Variants in RHBDD1 observed in about 807,000 individuals in gnomAD.
The protein encoded by RHBDD1 is rhomboid domain containing 1.
RHBDD1 carries 38 observed loss-of-function variants against 36.3 expected under a neutral mutation model. That is an observed-to-expected ratio of 1.05 (90% CI 0.81 to 1.37). The LOEUF is 1.37. Among genes scored for constraint, RHBDD1 ranks in the 40% most tolerant of loss-of-function variants. The pLI is 0.00. For synonymous variants in RHBDD1, 151 were observed against 136.5 expected (o/e 1.11, Z -0.74); for missense variants, 393 against 377.6 (o/e 1.04, Z -0.34).
chr2:226,948,564 TAAA>T (rs56325989), intron 8 of RHBDD1, among the ~76,000 whole-genome samples: 3 of 23,556 alleles, frequency 1.3e-4, no homozygotes, highest in Non-Finnish European at 2.5e-4. Flanking sequence ...ACTTAAAGTA[TAAA>T]AAAAAAAAAA....
At chr2:226,871,205 A>T (rs115788829) in intron 5 of RHBDD1, among the ~76,000 whole-genome samples, 4,226 of 152,180 alleles carry the variant, frequency 0.028, 81 homozygotes, top group Non-Finnish European at 0.043. Context: ...TTTTCAATTT[A>T]TTTTTCCACT....
intron 7 of RHBDD1, among the ~76,000 whole-genome samples, chr2:226,912,454 A>G (rs1034103912): frequency 2.0e-5 from 3 of 152,184 alleles, no homozygotes; most frequent in African/African-American, 7.2e-5. Context: ...AAATAATACA[A>G]ATGTCTATCA....
chr2:226,814,758 A>G, the RHBDD1 span, among the ~76,000 whole-genome samples: 22 of 152,206 alleles, frequency 1.4e-4, no homozygotes, highest in African/African-American at 5.1e-4. Context: ...CGGGTAGGCT[A>G]GTGAGACATC....
At chr2:226,920,491 T>C (rs1184945335) in intron 8 of RHBDD1, among the ~76,000 whole-genome samples, 1 of 152,154 alleles carries the variant, frequency 6.6e-6, no homozygotes, top group Non-Finnish European at 1.5e-5. Flanking sequence ...GCTTTCTGTT[T>C]TTCCCCTTTC....
chr2:226,991,573 A>G (rs756133716), intron 8 of RHBDD1, among the ~76,000 whole-genome samples: 1 of 152,248 alleles, frequency 6.6e-6, no homozygotes, highest in African/African-American at 2.4e-5. Flanking sequence ...ATGAACAATC[A>G]TACCATCCAA....
the RHBDD1 span, among the ~76,000 whole-genome samples, chr2:226,806,084 C>T: frequency 6.6e-6 from 1 of 152,072 alleles, no homozygotes; most frequent in South Asian, 2.1e-4. Flanking sequence ...CTCTCTCTCT[C>T]TCTTTCTTCT....
At chr2:226,976,225 A>G (rs149814454) in intron 8 of RHBDD1, among the ~76,000 whole-genome samples, 1 of 148,176 alleles carries the variant, frequency 6.7e-6, no homozygotes, top group East Asian at 2.0e-4. Flanking sequence ...GCTCTTGTCC[A>G]TTGTCACTTA....
At chr2:226,876,531 TGAA>T (rs1400900797) in intron 5 of RHBDD1, among the ~76,000 whole-genome samples, 1 of 152,208 alleles carries the variant, frequency 6.6e-6, no homozygotes, top group Non-Finnish European at 1.5e-5. Context: ...ACTTAAGAGA[TGAA>T]GAAACTGAAG....
intron 5 of RHBDD1, among the ~76,000 whole-genome samples, chr2:226,873,120 G>A (rs1338288878): frequency 6.6e-6 from 1 of 152,206 alleles, no homozygotes; most frequent in East Asian, 1.9e-4. Flanking sequence ...AGTGCTGTGG[G>A]ACCGCTGCTC....
intron 8 of RHBDD1, among the ~76,000 whole-genome samples, chr2:226,963,070 C>T (rs975401653): frequency 3.3e-5 from 5 of 152,034 alleles, no homozygotes; most frequent in African/African-American, 4.8e-5. Context: ...TAGACGCAAG[C>T]GCACCTCTCC....
At chr2:226,818,417 C>T in the RHBDD1 span, among the ~76,000 whole-genome samples, 1 of 151,008 alleles carries the variant, frequency 6.6e-6, no homozygotes, top group South Asian at 2.1e-4. Context: ...CTGCTCACCT[C>T]GGCCTCCCAA....
At chr2:226,906,094 T>C (rs531496753) in intron 5 of RHBDD1, among the ~76,000 whole-genome samples, 2 of 152,338 alleles carry the variant, frequency 1.3e-5, no homozygotes, top group African/African-American at 4.8e-5. Flanking sequence ...TGGGTCAAAG[T>C]AGACCTCTGA....
intron 8 of RHBDD1, among the ~76,000 whole-genome samples, chr2:226,957,286 GA>G (rs1951848517): frequency 6.6e-6 from 1 of 152,142 alleles, no homozygotes; most frequent in African/African-American, 2.4e-5. Flanking sequence ...GCTAACACTC[GA>G]AAACTCTTAG....
chr2:226,989,485 C>G lies in RHBDD1; in HGVS notation c.857-5946C>G, dbSNP rs369842557. ...TATCTTGATCTGGATATTGGTCTCACATGTCCAGTTTGTGAAAATGAATCA... is the reference window on the plus strand; with the variant it reads ...TATCTTGATCTGGATATTGGTCTCAGATGTCCAGTTTGTGAAAATGAATCA... On this transcript the variant is annotated intron_variant, in intron 8 of 8. Transcript: ENST00000392062. Among the ~76,000 whole-genome samples the G allele has an allele frequency of 7.9e-5, 12 of 152,192 alleles. No homozygotes were observed. The East Asian group carries it at 1.9e-3, about 24-fold the overall frequency.
intron 5 of RHBDD1, among the ~76,000 whole-genome samples, chr2:226,880,404 C>T (rs367942793): frequency 6.5e-4 from 99 of 152,274 alleles, no homozygotes; most frequent in African/African-American, 2.4e-3. Context: ...TTTGTCCTGC[C>T]TCCCAGCAGG....
intron 3 of RHBDD1, among the ~76,000 whole-genome samples, chr2:226,843,006 T>C (rs553826933): frequency 6.6e-6 from 1 of 152,302 alleles, no homozygotes; most frequent in Admixed American, 6.5e-5. Flanking sequence ...TTGGCGGTAT[T>C]CCTAGGTATT....
chr2:226,808,625 C>T, the RHBDD1 span: 14 of 152,318 alleles, frequency 9.2e-5, no homozygotes, highest in East Asian at 2.5e-3. Context: ...AGCGTGGAGG[C>T]TGGATTTCAA....
At chr2:226,820,644 CAA>C in the RHBDD1 span, among the ~76,000 whole-genome samples, 2,121 of 63,170 alleles carry the variant, frequency 0.034, 9 homozygotes, top group African/African-American at 0.082. Context: ...TCCATCTCCA[CAA>C]AAAAAAAAAA....
chr2:226,987,322 T>C (rs1344616002), intron 8 of RHBDD1, among the ~76,000 whole-genome samples: 1 of 151,672 alleles, frequency 6.6e-6, no homozygotes, highest in Non-Finnish European at 1.5e-5. Context: ...TGCACACGTA[T>C]CCCAGAACTT....
Sources: allele counts gnomAD v4.1 joint callset (sites outside exome capture counted in the v4.1 genomes callset), GRCh38; gene constraint gnomAD v4.1.1; transcripts MANE v1.5; gene names NCBI Gene and HGNC (gene_info 2026-07-23, HGNC 2026-07-21).